The following HMBOX1 variants were observed in gnomAD, a reference collection of about 807,000 sequenced individuals.
HMBOX1 encodes the protein homeobox-containing protein 1.
In HMBOX1, 14 loss-of-function variants were observed where a neutral mutation model predicts 54.5. The observed-to-expected ratio is 0.26, with a 90% CI of 0.17 to 0.40. The LOEUF (loss-of-function observed/expected upper bound fraction) is 0.40. Ranked by LOEUF, HMBOX1 falls within the 10% of genes least tolerant of loss-of-function variation. The pLI, the probability that HMBOX1 is intolerant of heterozygous loss-of-function variation, is 1.00. For synonymous variants in HMBOX1, 160 were observed against 181.0 expected (o/e 0.88, Z 0.93); for missense variants, 332 against 514.4 (o/e 0.65, Z 3.43).
chr8:28,923,345 G>A (rs1817870740), intron 1 of HMBOX1, among the ~76,000 whole-genome samples: 1 of 152,126 alleles, frequency 6.6e-6, no homozygotes, highest in Admixed American at 6.5e-5. Flanking sequence ...ATTGTAGCAT[G>A]ACTCATTAAT....
chr8:29,025,026 G>C (rs950661711), intron 6 of HMBOX1, among the ~76,000 whole-genome samples: 1 of 151,990 alleles, frequency 6.6e-6, no homozygotes, highest in Non-Finnish European at 1.5e-5. Flanking sequence ...GTGCCAAAAA[G>C]GTTGGAGAAC....
chr8:29,009,387 T>C, intron 5 of HMBOX1: 2 of 856,418 alleles, frequency 2.3e-6, no homozygotes, highest in Non-Finnish European at 2.8e-6. Flanking sequence ...TCTAGTCATA[T>C]TCACTCCTTC....
chr8:28,895,164 T>A (rs1282810810), intron 1 of HMBOX1, among the ~76,000 whole-genome samples: 2 of 152,242 alleles, frequency 1.3e-5, no homozygotes, highest in East Asian at 3.8e-4. Context: ...TCTCTCTGGC[T>A]GCTTCTTTGT....
At chr8:28,977,870 G>A (rs1418318925) in intron 3 of HMBOX1, among the ~76,000 whole-genome samples, 1 of 151,824 alleles carries the variant, frequency 6.6e-6, no homozygotes, top group African/African-American at 2.4e-5. Context: ...CGTGAACCCG[G>A]GAGGCGGAGC....
At chr8:29,041,239 A>T (rs1038405389) in intron 6 of HMBOX1, among the ~76,000 whole-genome samples, 1 of 152,044 alleles carries the variant, frequency 6.6e-6, no homozygotes, top group African/African-American at 2.4e-5. Flanking sequence ...TGCCACCAGT[A>T]TTTTCCTGTT....
intron 1 of HMBOX1, among the ~76,000 whole-genome samples, chr8:28,916,337 G>C (rs1440645210): frequency 1.3e-5 from 2 of 152,128 alleles, no homozygotes; most frequent in African/African-American, 4.8e-5. Flanking sequence ...AATAGTATGT[G>C]CCAATCAGGA....
intron 1 of HMBOX1, among the ~76,000 whole-genome samples, chr8:28,918,337 G>C: frequency 6.6e-6 from 1 of 152,092 alleles, no homozygotes; most frequent in East Asian, 1.9e-4. Flanking sequence ...CCAAGTAGCT[G>C]GGGCTACAGG....
chr8:29,014,706 G>A (rs939058944), intron 5 of HMBOX1, among the ~76,000 whole-genome samples: 8 of 152,110 alleles, frequency 5.3e-5, no homozygotes, highest in African/African-American at 1.7e-4. Flanking sequence ...CCGAGATGGA[G>A]TATCACTCTG....
At chr8:28,960,759 CTTTTTCTTTTTTTTTTTTTTTT>C (rs1825370514) in intron 1 of HMBOX1, among the ~76,000 whole-genome samples, 3 of 5,130 alleles carry the variant, frequency 5.8e-4, no homozygotes, top group African/African-American at 5.4e-4. Flanking sequence ...TTTTCTTTTT[CTTTTTCTTTTTTTTTTTTTTTT>C]TTTTTTTTTT....
intron 5 of HMBOX1, among the ~76,000 whole-genome samples, chr8:29,016,753 A>G (rs979654623): frequency 2.6e-5 from 4 of 152,188 alleles, no homozygotes; most frequent in Non-Finnish European, 4.4e-5. Context: ...TCCTCACAAC[A>G]TGGGCCTCAC....
intron 3 of HMBOX1, among the ~76,000 whole-genome samples, chr8:28,979,104 C>A (rs141221010): frequency 2.0e-5 from 3 of 152,156 alleles, no homozygotes; most frequent in Admixed American, 6.5e-5. Flanking sequence ...AATTTGCTGA[C>A]CCCTGTGTTA....
intron 6 of HMBOX1, among the ~76,000 whole-genome samples, chr8:29,030,763 A>G (rs1802832442): frequency 6.6e-6 from 1 of 152,242 alleles, no homozygotes; most frequent in Admixed American, 6.5e-5. Flanking sequence ...AAAAAACAAA[A>G]TCACGTCCAT....
At chr8:29,022,317 C>T (rs1162421561) in intron 6 of HMBOX1, among the ~76,000 whole-genome samples, 2 of 152,114 alleles carry the variant, frequency 1.3e-5, no homozygotes, top group Non-Finnish European at 2.9e-5. Context: ...ACTCGGGAGG[C>T]TGAGGCAGGA....
intron 5 of HMBOX1, among the ~76,000 whole-genome samples, chr8:29,018,377 C>T (rs1304144970): frequency 6.6e-6 from 1 of 151,836 alleles, no homozygotes; most frequent in Non-Finnish European, 1.5e-5. Flanking sequence ...AACAGGTAGA[C>T]CTATGGAGAC....
intron 1 of HMBOX1, among the ~76,000 whole-genome samples, chr8:28,951,107 A>C (rs1247296509): frequency 6.6e-6 from 1 of 152,168 alleles, no homozygotes; most frequent in African/African-American, 2.4e-5. Flanking sequence ...TTCAGCAAAT[A>C]TTTAGTGCCT....
chr8:28,959,636 C>G (rs1307532250), intron 1 of HMBOX1, among the ~76,000 whole-genome samples: 1 of 152,100 alleles, frequency 6.6e-6, no homozygotes, highest in African/African-American at 2.4e-5. Flanking sequence ...ATGGTATGTT[C>G]TGTATACTAC....
chr8:28,948,744 A>G (rs1475179487), intron 1 of HMBOX1, among the ~76,000 whole-genome samples: 3 of 152,180 alleles, frequency 2.0e-5, no homozygotes, highest in Non-Finnish European at 2.9e-5. Flanking sequence ...ACTGGAAAAC[A>G]TGATTGTTAA....
intron 1 of HMBOX1, among the ~76,000 whole-genome samples, chr8:28,903,123 A>G (rs1394437999): frequency 6.6e-6 from 1 of 151,736 alleles, no homozygotes; most frequent in African/African-American, 2.4e-5. Context: ...ACACACACAC[A>G]TACATTTAAG....
chr8:29,001,050 C>G (rs1251940058), intron 4 of HMBOX1, among the ~76,000 whole-genome samples: 1 of 152,114 alleles, frequency 6.6e-6, no homozygotes, highest in Non-Finnish European at 1.5e-5. Flanking sequence ...GAGGTTTTTA[C>G]TTCACTATTC....
Sources: allele counts gnomAD v4.1 joint callset (sites outside exome capture counted in the v4.1 genomes callset), GRCh38; gene constraint gnomAD v4.1.1; transcripts MANE v1.5; gene names NCBI Gene and HGNC (gene_info 2026-07-23, HGNC 2026-07-21).